The following MED26 variants were observed in gnomAD, a reference collection of about 807,000 sequenced individuals.
The protein encoded by MED26 is mediator of RNA polymerase II transcription subunit 26.
In MED26, 7 loss-of-function variants were observed where a neutral mutation model predicts 43.7. That is an observed-to-expected ratio of 0.16 (90% CI 0.09 to 0.30). The LOEUF (loss-of-function observed/expected upper bound fraction) is 0.30. Among genes scored for constraint, MED26 ranks in the 10% least tolerant of loss-of-function variants. The probability of loss-of-function intolerance (pLI) is 1.00; values close to 1 mark genes in which losing one functional copy is unlikely to be tolerated. For synonymous variants in MED26, 375 were observed against 371.1 expected (o/e 1.01, Z -0.12); for missense variants, 784 against 840.6 (o/e 0.93, Z 0.83).
chr19:16,606,024 G>A (rs2086171147), intron 1 of MED26, among the ~76,000 whole-genome samples: 1 of 152,192 alleles, frequency 6.6e-6, no homozygotes, highest in South Asian at 2.1e-4. Context: ...CTGAGGCCTG[G>A]CAAGGGATAG....
intron 1 of MED26, among the ~76,000 whole-genome samples, chr19:16,613,836 C>T (rs918030365): frequency 2.0e-5 from 3 of 152,262 alleles, no homozygotes; most frequent in South Asian, 2.1e-4. Context: ...CAAAGGATGT[C>T]GAGCCCTTGG....
rs1278025693 is a variant in MED26, at chr19:16,575,347, T to C, written c.*680A>G. On this transcript the variant is annotated 3_prime_UTR_variant, in exon 3 of 3. Coordinates refer to ENST00000263390, the MANE Select transcript of MED26 (RefSeq NM_004831.5). ...AATAAACATGAGAAAACTTAAATTT[T>C]TGCAGCATTTCTTTAAAAACTGGGT... The C allele has an allele frequency of 1.3e-5, 2 of 152,686 alleles. No individual in the cohort carries two copies. The highest frequency in any genetic ancestry group is 2.1e-4 in the South Asian group (1 of 4,834). 9.5% of individuals were successfully genotyped at this position (152,686 alleles called of 1,614,324 possible). A position where few individuals can be genotyped will look rare whatever the true frequency, so the allele number is the denominator to read the frequency against.
intron 1 of MED26, among the ~76,000 whole-genome samples, chr19:16,596,378 A>T (rs957357594): frequency 6.6e-6 from 1 of 152,240 alleles, no homozygotes; most frequent in African/African-American, 2.4e-5. Flanking sequence ...CGTGAAGGCC[A>T]GTCAGGCAAG....
Position 16,576,591 on chromosome 19 carries a change from C to T in MED26, c.1239G>A (p.Ala413=), listed in dbSNP as rs200303271. Residue 413 remains alanine (A), a synonymous_variant, in exon 3 of 3, where the codon GCG becomes GCA. Coordinates refer to ENST00000263390, the MANE Select transcript of MED26 (RefSeq NM_004831.5). This position sits in a 1 kb window ranked among gnomAD's most constrained non-coding sequence, Gnocchi z 6.8. ...TVNLDGQVAE[A]GVKPVRLKER... is the part of the protein sequence containing the mutation. Reference sequence around the variant, plus strand: ...CTTTTAACCGGACAGGCTTGACGCCCGCCTCAGCCACCTGCCCGTCCAAGT... The same window carrying T: ...CTTTTAACCGGACAGGCTTGACGCCTGCCTCAGCCACCTGCCCGTCCAAGT... The T allele has an allele frequency of 1.2e-4, 186 of 1,614,196 alleles. 3 individuals carry two copies. In the South Asian group the frequency reaches 1.6e-3, roughly 14 times the overall value.
Position 16,575,937 on chromosome 19 carries a change from A to G in MED26, c.*90T>C. The G allele has an allele frequency of 1.8e-6, 2 of 1,124,828 alleles. No homozygotes were observed. The highest frequency in any genetic ancestry group is 2.5e-6 in the Non-Finnish European group (2 of 784,494). 69.7% of individuals were successfully genotyped at this position (1,124,828 alleles called of 1,614,324 possible). On this transcript the variant is annotated 3_prime_UTR_variant, in exon 3 of 3. Coordinates refer to ENST00000263390, the MANE Select transcript of MED26 (RefSeq NM_004831.5). ...GGACTCCCCGAGTTCCCAGCGCAGG[A>G]GGCAGCTGGGCCCCGGCCACCTGCC... is the stretch of plus-strand genomic sequence containing the variant.
At chr19:16,627,614 ACT>A (rs1362958935) in intron 1 of MED26, among the ~76,000 whole-genome samples, 1 of 151,184 alleles carries the variant, frequency 6.6e-6, no homozygotes, top group African/African-American at 2.4e-5. Flanking sequence ...GGGAGGAAAA[ACT>A]CTAGCCTCAG....
chr19:16,586,070 C>G lies in MED26; in HGVS notation c.73-7661G>C, dbSNP rs2122393431. The stretch of plus-strand genomic sequence containing the variant: ...TTCTCCACATCTGAACTGTTCCCAC[C>G]CCGCCTGAGATCCCCAGCCTCTTGG... On this transcript the variant is annotated intron_variant, in intron 1 of 2. Coordinates refer to ENST00000263390, the MANE Select transcript of MED26 (RefSeq NM_004831.5). The surrounding 1 kb of genome is among the most constrained non-coding windows in gnomAD (Gnocchi z 5.1). Among the ~76,000 whole-genome samples, 1 of 152,324 alleles carries G rather than the reference C, an allele frequency of 6.6e-6. No individual in the cohort carries two copies. The highest frequency in any genetic ancestry group is 6.5e-5 in the Admixed American group (1 of 15,302).
chr19:16,617,072 C>T (rs368626270), intron 1 of MED26, among the ~76,000 whole-genome samples: 161 of 152,276 alleles, frequency 1.1e-3, no homozygotes, highest in African/African-American at 3.7e-3. Flanking sequence ...ACCGTGTTCA[C>T]AGTGCTCTCA....
At chr19:16,583,613 C>T (rs977389739) in intron 1 of MED26, among the ~76,000 whole-genome samples, 1 of 152,128 alleles carries the variant, frequency 6.6e-6, no homozygotes, top group Non-Finnish European at 1.5e-5. Flanking sequence ...CCCTGGGGTG[C>T]CTGCTCCAAA....
chr19:16,577,534 C>T lies in MED26; in HGVS notation c.296G>A (p.Gly99Glu), dbSNP rs1277133910. ...QHEAALRGLAGATGSANGGAH... is the reference protein window; with the variant it reads ...QHEAALRGLAEATGSANGGAH... ...GCCCCCGTTGGCAGAGCCGGTGGCC[C>T]CCGCCAGCCCCCGCAGCGCCGCCTC... The change falls in exon 3 of 3, where the codon GGG becomes GAG. Residue 99 changes from glycine (G) to glutamate (E), a missense_variant. Gly to Glu is a moderately conservative substitution (Grantham distance 98). This residue lies in a region of MED26 where 719 missense variants were observed against 730.9 expected (regional missense o/e 0.98). Transcript: ENST00000263390. The surrounding 1 kb of genome is among the most constrained non-coding windows in gnomAD (Gnocchi z 8.1). 1 of 1,605,282 alleles carries T rather than the reference C, an allele frequency of 6.2e-7. No homozygotes were observed. The highest frequency in any genetic ancestry group is 8.5e-7 in the Non-Finnish European group (1 of 1,175,022).
chr19:16,588,330 A>G (rs914136403), intron 1 of MED26: 2 of 152,330 alleles, frequency 1.3e-5, no homozygotes, highest in African/African-American at 2.4e-5. Flanking sequence ...TGCTCGGCCC[A>G]TATATGTTCC....
chr19:16,621,764 C>T (rs1478881809), intron 1 of MED26, among the ~76,000 whole-genome samples: 1 of 152,130 alleles, frequency 6.6e-6, no homozygotes, highest in African/African-American at 2.4e-5. Context: ...TAAGTCAGCT[C>T]TGACAATAAT....
chr19:16,577,227 A>C lies in MED26; in HGVS notation c.603T>G (p.His201Gln), dbSNP rs1447260010. ...CCAGGCGGCTGCCCTCTGGGCCTGC[A>C]TGCCCACTGCCATCCAGGGAGCTGG... The part of the protein sequence containing the change: ...SFASSLDGSG[H>Q]AGPEGSRLER... Residue 201 changes from histidine (H) to glutamine (Q), a missense_variant, in exon 3 of 3, where the codon CAT becomes CAG. This residue lies in a region of MED26 where 719 missense variants were observed against 730.9 expected (regional missense o/e 0.98). Coordinates refer to ENST00000263390, the MANE Select transcript of MED26 (RefSeq NM_004831.5). The surrounding 1 kb of genome is among the most constrained non-coding windows in gnomAD (Gnocchi z 8.1). 2.5e-6 allele frequency: 4 copies of C among 1,613,042 alleles called. No individual in the cohort carries two copies. Among genetic ancestry groups the C allele is most frequent in the Non-Finnish European group, 3.4e-6 (4 of 1,179,924 alleles).
intron 1 of MED26, among the ~76,000 whole-genome samples, chr19:16,622,848 G>C (rs969923647): frequency 6.6e-6 from 1 of 152,166 alleles, no homozygotes; most frequent in Non-Finnish European, 1.5e-5. Context: ...GAGTCACCTG[G>C]AGTCAGCCTG....
Position 16,575,895 on chromosome 19 carries a change from T to C in MED26, c.*132A>G. The C allele has an allele frequency of 1.9e-6, 1 of 519,176 alleles. No homozygotes were observed. Among genetic ancestry groups the C allele is most frequent in the South Asian group, 1.9e-5 (1 of 51,874 alleles). 32.2% of individuals were successfully genotyped at this position (519,176 alleles called of 1,614,324 possible). On this transcript the variant is annotated 3_prime_UTR_variant, in exon 3 of 3. Coordinates refer to ENST00000263390, the MANE Select transcript of MED26 (RefSeq NM_004831.5). Reference sequence around the variant, plus strand: ...GAGAGACCGCGTGACTCCCGCCCCCTCCCTCCCGCCTGGGCCGGACTCCCC... The same window carrying C: ...GAGAGACCGCGTGACTCCCGCCCCCCCCCTCCCGCCTGGGCCGGACTCCCC...
At chr19:16,620,530 T>C (rs781167388) in intron 1 of MED26, among the ~76,000 whole-genome samples, 1 of 152,266 alleles carries the variant, frequency 6.6e-6, no homozygotes, top group Admixed American at 6.5e-5. Context: ...CCACGTGCTG[T>C]GGCAGTTCTA....
chr19:16,611,519 C>G, intron 1 of MED26: 1 of 152,260 alleles, frequency 6.6e-6, no homozygotes, highest in Non-Finnish European at 1.5e-5. Flanking sequence ...GAGCAGCCTA[C>G]TTTTATTTTC....
rs144611226 is a variant in MED26 at position 16,616,441 on chromosome 19, A to C, written c.72+11431T>G. On this transcript the variant is annotated intron_variant, in intron 1 of 2. Transcript: ENST00000263390. ...CAACACGACACCACCAGAAAAGTCA[A>C]ACATCCCTATCTGTTTTCAGACACA... Among the ~76,000 whole-genome samples the C allele has an allele frequency of 8.5e-4, 129 of 152,334 alleles. 2 individuals are homozygous for C. The East Asian group carries it at 0.024, about 28-fold the overall frequency.
intron 1 of MED26, among the ~76,000 whole-genome samples, chr19:16,614,689 C>T (rs964080632): frequency 7.9e-5 from 12 of 152,096 alleles, no homozygotes; most frequent in Non-Finnish European, 1.0e-4. Context: ...CGGAACTGAG[C>T]GATACACACA....
Sources: allele counts gnomAD v4.1 joint callset (sites outside exome capture counted in the v4.1 genomes callset), GRCh38; gene constraint gnomAD v4.1.1; regional missense constraint gnomAD v4.1.1; non-coding constraint Gnocchi (gnomAD v3.1); transcripts MANE v1.5; gene names NCBI Gene and HGNC (gene_info 2026-07-23, HGNC 2026-07-21).